Variants in UGCG observed in about 807,000 individuals in gnomAD.
UGCG encodes the protein ceramide glucosyltransferase.
Under a neutral mutation model 49.5 loss-of-function variants are expected in UGCG, and 10 were observed. That is an observed-to-expected ratio of 0.20 (90% CI 0.12 to 0.34). UGCG has a LOEUF of 0.34. Among genes scored for constraint, UGCG ranks in the 10% least tolerant of loss-of-function variants. The pLI is 1.00. For synonymous variants in UGCG, 182 were observed against 158.2 expected (o/e 1.15, Z -1.13); for missense variants, 312 against 483.7 (o/e 0.65, Z 3.33).
At chr9:111,899,836 T>A (rs1381939583) in intron 1 of UGCG, among the ~76,000 whole-genome samples, 2 of 152,194 alleles carry the variant, frequency 1.3e-5, no homozygotes, top group Non-Finnish European at 2.9e-5. Flanking sequence ...TAGAGACTTG[T>A]CCAGAATTAC....
At chr9:111,918,700 G>A (rs10817238) in intron 2 of UGCG, among the ~76,000 whole-genome samples, 45,663 of 151,808 alleles carry the variant, frequency 0.3, 7,115 homozygotes, top group Admixed American at 0.39. Flanking sequence ...TTGGGAGGCC[G>A]AGGCGGGCGG....
At chr9:111,913,505 C>T (rs1198602399) in intron 1 of UGCG, among the ~76,000 whole-genome samples, 1 of 152,062 alleles carries the variant, frequency 6.6e-6, no homozygotes, top group East Asian at 1.9e-4. Flanking sequence ...ACAATCTTGG[C>T]TCACTGCAAC....
In UGCG at chr9:111,919,308, C is replaced by T. The variant is rs116055987; in HGVS notation, c.241-3541C>T. The stretch of plus-strand genomic sequence containing the variant: ...TGAGCCCAAGCATTCAAGACCAGCT[C>T]GTCGTCTGTACTAAAAATACAAAAA... On this transcript the variant is annotated intron_variant, in intron 2 of 8. Transcript: ENST00000374279. 1.8e-3 allele frequency among the ~76,000 whole-genome samples: 280 copies of T among 151,964 alleles called. 1 individual carries two copies. Among genetic ancestry groups the T allele is most frequent in the African/African-American group, 6.4e-3 (264 of 41,458 alleles).
intron 2 of UGCG, among the ~76,000 whole-genome samples, chr9:111,915,244 T>C (rs558650516): frequency 1.3e-5 from 2 of 152,356 alleles, no homozygotes; most frequent in African/African-American, 4.8e-5. Flanking sequence ...ACTGTTCTGA[T>C]TTTAATAGCT....
intron 2 of UGCG, among the ~76,000 whole-genome samples, chr9:111,921,657 A>AG (rs1417541379): frequency 6.6e-6 from 1 of 151,506 alleles, no homozygotes; most frequent in Non-Finnish European, 1.5e-5. Flanking sequence ...TCAAAAAAAA[A>AG]AAAAAAGTTG....
At chr9:111,918,268 C>G (rs1838147413) in intron 2 of UGCG, among the ~76,000 whole-genome samples, 1 of 152,168 alleles carries the variant, frequency 6.6e-6, no homozygotes, top group South Asian at 2.1e-4. Context: ...TCTTGAACTC[C>G]TGACCTCAGT....
At chr9:111,898,602 A>G (rs1363507505) in intron 1 of UGCG, among the ~76,000 whole-genome samples, 1 of 152,170 alleles carries the variant, frequency 6.6e-6, no homozygotes, top group East Asian at 1.9e-4. Context: ...GTCACAGCAC[A>G]TTCTGGAGTT....
chr9:111,923,113 A>G (rs1404408876), intron 3 of UGCG, among the ~76,000 whole-genome samples, 162 bp downstream of exon 3: 2 of 152,112 alleles, frequency 1.3e-5, no homozygotes, highest in African/African-American at 4.8e-5. Context: ...TTATAAAAAC[A>G]AAGGTTTTTT....
chr9:111,901,822 G>A (rs1339411557), intron 1 of UGCG, among the ~76,000 whole-genome samples: 1 of 152,216 alleles, frequency 6.6e-6, no homozygotes, highest in Non-Finnish European at 1.5e-5. Context: ...TATCCTAGAT[G>A]TTGAAGCTAT....
rs1407344182 is a variant in UGCG, at chr9:111,933,486, C to T, written c.*489C>T. On this transcript the variant is annotated 3_prime_UTR_variant, in exon 9 of 9. Transcript: ENST00000374279. ...GCAGTGAACAACACATGGCGAGGTA[C>T]TAACTGAGAAACTTTTTCATGCTTT... is the stretch of plus-strand genomic sequence containing the variant. 6.6e-6 allele frequency: 1 copy of T among 151,990 alleles called. No individual in the cohort carries two copies. Among genetic ancestry groups the T allele is most frequent in the African/African-American group, 2.4e-5 (1 of 41,310 alleles). 9.4% of individuals were successfully genotyped at this position (151,990 alleles called of 1,614,324 possible).
chr9:111,911,093 T>TA (rs1837988095), intron 1 of UGCG, among the ~76,000 whole-genome samples: 1 of 152,072 alleles, frequency 6.6e-6, no homozygotes, highest in Non-Finnish European at 1.5e-5. Flanking sequence ...GAATCCAAGA[T>TA]AGAGAGCATC....
chr9:111,926,950 G>A (rs1362088459), intron 5 of UGCG, among the ~76,000 whole-genome samples: 15 of 124,278 alleles, frequency 1.2e-4, no homozygotes, highest in African/African-American at 4.6e-4. Flanking sequence ...TCGGCTCACT[G>A]CAACCTCCAC....
intron 2 of UGCG, among the ~76,000 whole-genome samples, chr9:111,921,464 A>G (rs1321833319): frequency 5.3e-5 from 8 of 151,880 alleles, no homozygotes; most frequent in African/African-American, 1.7e-4. Flanking sequence ...AGCCCGGCCA[A>G]TGAAACTCCG....
intron 1 of UGCG, among the ~76,000 whole-genome samples, chr9:111,902,629 AG>A (rs1433715775): frequency 6.6e-6 from 1 of 152,236 alleles, no homozygotes; most frequent in East Asian, 1.9e-4. Context: ...GACTTGGAGC[AG>A]GGAAGATAAA....
At chr9:111,920,423 G>A (rs575204098) in intron 2 of UGCG, among the ~76,000 whole-genome samples, 35 of 152,114 alleles carry the variant, frequency 2.3e-4, no homozygotes, top group African/African-American at 6.5e-4. Context: ...GTACAGTGGC[G>A]CAATCTCGGC....
intron 1 of UGCG, among the ~76,000 whole-genome samples, chr9:111,911,933 T>TATATATATTCAACAGG (rs1554733526): frequency 7.4e-5 from 2 of 27,014 alleles, no homozygotes; most frequent in East Asian, 2.8e-3. Context: ...TATATATATA[T>TATATATATTCAACAGG]ATATATATAT....
intron 1 of UGCG, among the ~76,000 whole-genome samples, chr9:111,908,726 A>G (rs1837938906): frequency 6.6e-6 from 1 of 152,220 alleles, no homozygotes; most frequent in Non-Finnish European, 1.5e-5. Flanking sequence ...ACCCATGAGA[A>G]AGCTTGTGCA....
intron 1 of UGCG, among the ~76,000 whole-genome samples, chr9:111,902,754 T>TC (rs1474330476): frequency 1.3e-5 from 2 of 151,710 alleles, no homozygotes; most frequent in Non-Finnish European, 2.9e-5. Context: ...TTCATATTCT[T>TC]CCTTAGAAAC....
intron 2 of UGCG, among the ~76,000 whole-genome samples, chr9:111,915,512 G>C (rs1838094664): frequency 6.6e-6 from 1 of 152,198 alleles, no homozygotes; most frequent in Non-Finnish European, 1.5e-5. Context: ...CTTGTGAGAA[G>C]AATGTGTCTT....
Sources: allele counts gnomAD v4.1 joint callset (sites outside exome capture counted in the v4.1 genomes callset), GRCh38; gene constraint gnomAD v4.1.1; transcripts MANE v1.5; gene names NCBI Gene and HGNC (gene_info 2026-07-23, HGNC 2026-07-21).